MOB3B: variants seen among roughly 807,000 people sequenced by gnomAD.
The protein encoded by MOB3B is MOB kinase activator-like 2B.
MOB3B carries 7 observed loss-of-function variants against 18.7 expected under a neutral mutation model. The observed-to-expected ratio is 0.37, with a 90% confidence interval of 0.21 to 0.70. MOB3B has a LOEUF of 0.70. Ranked by LOEUF, MOB3B falls within the 30% of genes least tolerant of loss-of-function variation. The probability of loss-of-function intolerance (pLI) is 0.52; values close to 1 mark genes in which losing one functional copy is unlikely to be tolerated. For missense variants in MOB3B, 253 were observed against 281.3 expected (o/e 0.90, Z 0.72); for synonymous variants, 111 against 99.9 (o/e 1.11, Z -0.66).
At chr9:27,512,763 T>C (rs935642952) in intron 1 of MOB3B, among the ~76,000 whole-genome samples, 3 of 152,332 alleles carry the variant, frequency 2.0e-5, no homozygotes, top group African/African-American at 7.2e-5. Flanking sequence ...AAATAATAGA[T>C]TAGGATCACT....
chr9:27,432,235 C>A (rs1448724653), intron 2 of MOB3B, among the ~76,000 whole-genome samples: 1 of 151,946 alleles, frequency 6.6e-6, no homozygotes, highest in East Asian at 1.9e-4. Flanking sequence ...GAAGCTCCCT[C>A]TTCTTTTACA....
chr9:27,464,190 T>A (rs1302975491), intron 1 of MOB3B, among the ~76,000 whole-genome samples: 1 of 151,910 alleles, frequency 6.6e-6, no homozygotes, highest in Admixed American at 6.6e-5. Flanking sequence ...AATGTGTGTT[T>A]ACGAATAAGA....
intron 3 of MOB3B, 167 bp downstream of exon 3, chr9:27,358,867 T>C (rs1388112209): frequency 2.5e-6 from 2 of 786,558 alleles, no homozygotes; most frequent in Non-Finnish European, 2.3e-6. Flanking sequence ...AGTGGACATC[T>C]TGGCATCTCC....
At chr9:27,456,056 T>C (rs62542377) in intron 1 of MOB3B, among the ~76,000 whole-genome samples, 21,285 of 152,232 alleles carry the variant, frequency 0.14, 1,844 homozygotes, top group Middle Eastern at 0.22. Context: ...TGTTGATCAA[T>C]GGCCTGATCC....
intron 1 of MOB3B, among the ~76,000 whole-genome samples, chr9:27,494,580 T>A (rs879304918): frequency 6.6e-6 from 1 of 152,174 alleles, no homozygotes; most frequent in Non-Finnish European, 1.5e-5. Flanking sequence ...AGTGGCGCGA[T>A]CTTGGCTCAC....
intron 2 of MOB3B, among the ~76,000 whole-genome samples, chr9:27,359,808 C>T (rs149394823): frequency 1.8e-4 from 28 of 152,228 alleles, no homozygotes; most frequent in African/African-American, 5.3e-4. Context: ...GAGTGGTCAT[C>T]GAAGTCACTC....
intron 2 of MOB3B, among the ~76,000 whole-genome samples, chr9:27,416,544 ATTTTTTTTT>A (rs559806304): frequency 0.01 from 1,235 of 121,396 alleles, 14 homozygotes; most frequent in African/African-American, 0.031. Context: ...TTTCTTTTTA[ATTTTTTTTT>A]TTTTTTTTTT....
chr9:27,485,591 T>C (rs1819719400), intron 1 of MOB3B, among the ~76,000 whole-genome samples: 1 of 152,210 alleles, frequency 6.6e-6, no homozygotes, highest in Non-Finnish European at 1.5e-5. Context: ...TTCACTTTCA[T>C]ATCGACTTTT....
chr9:27,466,720 G>GA (rs1819389003), intron 1 of MOB3B, among the ~76,000 whole-genome samples: 1 of 152,170 alleles, frequency 6.6e-6, no homozygotes, highest in South Asian at 2.1e-4. Flanking sequence ...AGCAAAAGCA[G>GA]AAACCCCTGA....
chr9:27,519,231 C>T (rs942439152), intron 1 of MOB3B, among the ~76,000 whole-genome samples: 2 of 152,160 alleles, frequency 1.3e-5, no homozygotes, highest in African/African-American at 4.8e-5. Context: ...AGTCACCCAA[C>T]AAATAATTAT....
At chr9:27,493,639 T>G (rs893621824) in intron 1 of MOB3B, among the ~76,000 whole-genome samples, 1 of 150,514 alleles carries the variant, frequency 6.6e-6, no homozygotes, top group Non-Finnish European at 1.5e-5. Context: ...AGACTCCATC[T>G]CAAAAAAAAA....
At chr9:27,355,398 G>GT (rs753257186) in intron 3 of MOB3B, among the ~76,000 whole-genome samples, 2 of 152,064 alleles carry the variant, frequency 1.3e-5, no homozygotes, top group Non-Finnish European at 2.9e-5. Context: ...TGCCCTTCTG[G>GT]CCCCAGCTGC....
At chr9:27,389,680 C>A (rs1287752042) in intron 2 of MOB3B, among the ~76,000 whole-genome samples, 5 of 152,152 alleles carry the variant, frequency 3.3e-5, no homozygotes, top group Non-Finnish European at 2.9e-5. Context: ...GAGGCCAGGG[C>A]TCTGTCTGTT....
intron 1 of MOB3B, among the ~76,000 whole-genome samples, chr9:27,507,337 T>C (rs546964602): frequency 1.6e-4 from 25 of 152,298 alleles, no homozygotes; most frequent in African/African-American, 4.8e-4. Flanking sequence ...TCAGAATTCA[T>C]AGAGCACTTA....
chr9:27,437,943 C>A (rs1392984441), intron 2 of MOB3B, among the ~76,000 whole-genome samples: 2 of 152,186 alleles, frequency 1.3e-5, no homozygotes, highest in African/African-American at 4.8e-5. Flanking sequence ...AACCACATTG[C>A]TATTTCTCAA....
intron 3 of MOB3B, among the ~76,000 whole-genome samples, chr9:27,331,248 C>T (rs1056074628): frequency 6.6e-6 from 1 of 152,126 alleles, no homozygotes; most frequent in African/African-American, 2.4e-5. Flanking sequence ...CCTGGGGCTC[C>T]GCACAGGTTG....
chr9:27,467,954 T>G (rs554984296), intron 1 of MOB3B, among the ~76,000 whole-genome samples: 1 of 152,188 alleles, frequency 6.6e-6, no homozygotes, highest in African/African-American at 2.4e-5. Context: ...TAGGGAAGAG[T>G]GGTGTGACTT....
Position 27,359,229 on chromosome 9 carries a change from G to A in MOB3B, c.426C>T (p.Pro142=). Residue 142 remains proline, a synonymous_variant, in exon 3 of 4, where the codon CCC becomes CCT. Coordinates refer to ENST00000262244, the MANE Select transcript of MOB3B (RefSeq NM_024761.5). ...EEIFPTCVGV[P]FPKNFLQICK... is the part of the protein sequence containing the mutation. The stretch of plus-strand genomic sequence containing the variant: ...AGATCTGAAGGAAGTTCTTTGGGAA[G>A]GGAACACCTAGAGAAGAAAAAAAGA... 6.2e-7 allele frequency: 1 copy of A among 1,614,012 alleles called. No homozygotes were observed. Among genetic ancestry groups the A allele is most frequent in the Non-Finnish European group, 8.5e-7 (1 of 1,179,922 alleles).
At chr9:27,524,186 G>C in intron 1 of MOB3B, 2 of 450,032 alleles carry the variant, frequency 4.4e-6, no homozygotes, top group Non-Finnish European at 7.0e-6. Flanking sequence ...CAGAGGCAAA[G>C]GAAAGGGGCC....
Sources: gnomAD v4.1 joint callset for allele counts (sites outside exome capture counted in the v4.1 genomes callset) on GRCh38, gnomAD v4.1.1 for gene constraint, MANE v1.5 for transcripts, NCBI Gene and HGNC (gene_info 2026-07-23, HGNC 2026-07-21) for gene names.